The following ZHX3 variants were observed in gnomAD, a reference collection of about 807,000 sequenced individuals.
ZHX3 encodes the protein zinc fingers and homeoboxes protein 3.
Under a neutral mutation model 64.5 loss-of-function variants are expected in ZHX3, and 20 were observed. The observed-to-expected ratio is 0.31, with a 90% CI of 0.22 to 0.45. The LOEUF is 0.45. ZHX3 is among the 20% of genes least tolerant of loss of function. The pLI, the probability that ZHX3 is intolerant of heterozygous loss-of-function variation, is 1.00. For missense variants in ZHX3, 1,041 were observed against 1,195.8 expected, an observed-to-expected ratio of 0.87 and a Z score of 1.91; for synonymous variants, 423 against 461.6, an observed-to-expected ratio of 0.92 and a Z score of 1.07.
chr20:41,265,201 A>T (rs1242507024), intron 2 of ZHX3, among the ~76,000 whole-genome samples: 4 of 142,920 alleles, frequency 2.8e-5, no homozygotes, highest in Non-Finnish European at 6.2e-5. Flanking sequence ...ATTACGATAA[A>T]TTTTTTTTTT....
At position 41,239,003 on chromosome 20, in the gene ZHX3, T is replaced by TC. The variant is rs1203637339; in HGVS notation, c.-151+29986_-151+29987insG. Among the ~76,000 whole-genome samples, 3 of 138,368 alleles carry TC rather than the reference T, an allele frequency of 2.2e-5. No homozygotes were observed. The East Asian group carries it at 6.2e-4, about 29-fold the overall frequency. The allele number at this position is 138,368 out of a possible 152,430, so 90.8% of individuals were successfully genotyped here. On this transcript the variant is annotated intron_variant, in intron 2 of 3. Coordinates refer to ENST00000683867, the MANE Select transcript of ZHX3 (RefSeq NM_001384317.1). ...CCTATTTTCTCTCTCTTTTTTTTTT[T>TC]TTTTTTTTTTTTTTTGGGAGACGGA...
In ZHX3 at chr20:41,244,889, T is replaced by A. The variant is rs2041598619; in HGVS notation, c.-151+24101A>T. Among the ~76,000 whole-genome samples the A allele has an allele frequency of 2.6e-5, 4 of 151,954 alleles. No individual in the cohort carries two copies. The South Asian group carries it at 6.2e-4, about 24-fold the overall frequency. On this transcript the variant is annotated intron_variant, in intron 2 of 3. Transcript: ENST00000683867. ...CCCTCACCTCTCACCCTTGGAAGGG[T>A]TTTGGCCCAGGAAAAGCAAAAGGAG...
chr20:41,238,010 G>A (rs1478354248), intron 2 of ZHX3, among the ~76,000 whole-genome samples: 2 of 152,132 alleles, frequency 1.3e-5, no homozygotes, highest in Non-Finnish European at 2.9e-5. Flanking sequence ...GTTCAGTGCT[G>A]CACCACTCAG....
intron 2 of ZHX3, among the ~76,000 whole-genome samples, chr20:41,237,501 A>T (rs2041088073): frequency 6.6e-6 from 1 of 152,230 alleles, no homozygotes; most frequent in Non-Finnish European, 1.5e-5. Context: ...TTCTCAGCAA[A>T]CTATCGCAAG....
rs1325120234 is a variant in ZHX3 at position 41,224,219 on chromosome 20, T to C, written c.-150-19153A>G. On this transcript the variant is annotated intron_variant, in intron 2 of 3. Transcript: ENST00000683867. This position sits in a 1 kb window ranked among gnomAD's most constrained non-coding sequence, Gnocchi z 5.2. ...TCCCAAATGTGGGAGCTAATTATCA[T>C]TTATGACAATTTATTACAAAGCCCC... Among the ~76,000 whole-genome samples the C allele has an allele frequency of 6.6e-6, 1 of 151,942 alleles. No individual in the cohort carries two copies. Among genetic ancestry groups the C allele is most frequent in the Admixed American group, 6.5e-5 (1 of 15,270 alleles).
Position 41,195,230 on chromosome 20 carries a change from C to A in ZHX3, c.2860+6827G>T, listed in dbSNP as rs2037387878. 6.6e-6 allele frequency among the ~76,000 whole-genome samples: 1 copy of A among 151,884 alleles called. No homozygotes were observed. The highest frequency in any genetic ancestry group is 1.9e-4 in the East Asian group (1 of 5,174). On this transcript the variant is annotated intron_variant, in intron 3 of 3. Transcript: ENST00000683867. The surrounding 1 kb of genome is among the most constrained non-coding windows in gnomAD (Gnocchi z 4.2). Reference sequence around the variant, plus strand: ...AACTCCTGGTAAACAATCCTCCCACCCCAGACACCTGAGTAGCTGGCACTA... The same window carrying A: ...AACTCCTGGTAAACAATCCTCCCACACCAGACACCTGAGTAGCTGGCACTA...
chr20:41,227,949 C>T (rs190316890), intron 2 of ZHX3, among the ~76,000 whole-genome samples: 1 of 152,314 alleles, frequency 6.6e-6, no homozygotes, highest in Admixed American at 6.5e-5. Flanking sequence ...CAGACTGCCT[C>T]TGTCCCACTT....
intron 2 of ZHX3, among the ~76,000 whole-genome samples, chr20:41,205,467 C>CT (rs1352938507): frequency 6.8e-6 from 1 of 147,006 alleles, no homozygotes; most frequent in East Asian, 2.0e-4. Context: ...ACGCGGTTTT[C>CT]TTTTCATAGC....
At chr20:41,231,456 G>C (rs552959930) in intron 2 of ZHX3, among the ~76,000 whole-genome samples, 1 of 152,246 alleles carries the variant, frequency 6.6e-6, no homozygotes, top group East Asian at 1.9e-4. Context: ...TCCCTCACCT[G>C]AAGACTAATT....
chr20:41,203,822 A>T lies in ZHX3; in HGVS notation c.1095T>A (p.Pro365=), dbSNP rs781060319. The part of the protein sequence containing the change: ...QRLKQGISWS[P]EEIEDARKKM... ...TTTTCCGGGCATCCTCAATCTCCTC[A>T]GGGGACCAGCTGATCCCCTGCTTCA... The change falls in exon 3 of 4, where the codon CCT becomes CCA. Residue 365 remains proline, a synonymous_variant. Transcript: ENST00000683867. The surrounding 1 kb of genome is among the most constrained non-coding windows in gnomAD (Gnocchi z 7.1). The T allele has an allele frequency of 1.9e-6, 3 of 1,614,130 alleles. No individual in the cohort carries two copies. The highest frequency in any genetic ancestry group is 1.7e-5 in the Admixed American group (1 of 60,018).
At chr20:41,310,580 G>A (rs1463308669) in intron 1 of ZHX3, among the ~76,000 whole-genome samples, 3 of 151,906 alleles carry the variant, frequency 2.0e-5, no homozygotes, top group Non-Finnish European at 4.4e-5. Flanking sequence ...ACAGTATGCT[G>A]GTGAATATCT....
At chr20:41,194,750 G>T (rs1156957413) in intron 3 of ZHX3, among the ~76,000 whole-genome samples, 4 of 151,974 alleles carry the variant, frequency 2.6e-5, no homozygotes, top group African/African-American at 9.7e-5. Flanking sequence ...ATATATTTTG[G>T]TTTTTTATTT....
intron 2 of ZHX3, among the ~76,000 whole-genome samples, chr20:41,265,360 G>A (rs990145366): frequency 2.0e-5 from 3 of 151,880 alleles, no homozygotes; most frequent in Non-Finnish European, 2.9e-5. Context: ...CCACCACCAC[G>A]CCCAGCTAAT....
rs1421099188 is a variant in ZHX3, at chr20:41,212,366, A to G, written c.-150-7300T>C. On this transcript the variant is annotated intron_variant, in intron 2 of 3. Coordinates refer to ENST00000683867, the MANE Select transcript of ZHX3 (RefSeq NM_001384317.1). The surrounding 1 kb of genome is among the most constrained non-coding windows in gnomAD (Gnocchi z 4.3). Reference sequence around the variant, plus strand: ...CACACCCACCAAGATGGCTGTAATTACAGCGACAGATAACAAGTATAGATG... The same window carrying G: ...CACACCCACCAAGATGGCTGTAATTGCAGCGACAGATAACAAGTATAGATG... 6.6e-6 allele frequency among the ~76,000 whole-genome samples: 1 copy of G among 152,230 alleles called. No individual in the cohort carries two copies. Among genetic ancestry groups the G allele is most frequent in the Non-Finnish European group, 1.5e-5 (1 of 68,044 alleles).
At position 41,184,860 on chromosome 20, in the gene ZHX3, A is replaced by C. The variant is rs2036384562; in HGVS notation, c.*331T>G. 1.4e-6 allele frequency: 2 copies of C among 1,473,308 alleles called. No individual in the cohort carries two copies. Among genetic ancestry groups the C allele is most frequent in the South Asian group, 2.7e-5 (2 of 74,600 alleles). 91.3% of individuals were successfully genotyped at this position (1,473,308 alleles called of 1,614,324 possible). A position where few individuals can be genotyped will look rare whatever the true frequency, so the allele number is the denominator to read the frequency against. ...ATCTGATGTTTTATTTAACATATAG[A>C]GGTGGATGTATATGTTAAAAGCTTG... On this transcript the variant is annotated 3_prime_UTR_variant, in exon 4 of 4. Transcript: ENST00000683867.
At chr20:41,218,612 G>A (rs993765615) in intron 2 of ZHX3, among the ~76,000 whole-genome samples, 2 of 152,184 alleles carry the variant, frequency 1.3e-5, no homozygotes, top group African/African-American at 4.8e-5. Flanking sequence ...ACCACGGTAA[G>A]TCAGTAGGAC....
rs1368055728 is a variant in ZHX3 at position 41,317,670 on chromosome 20, A to C, written c.-406T>G. 2 of 150,608 alleles carry C rather than the reference A, an allele frequency of 1.3e-5. No homozygotes were observed. The highest frequency in any genetic ancestry group is 4.9e-5 in the African/African-American group (2 of 40,988). The allele number at this position is 150,608 out of a possible 1,614,324, so 9.3% of individuals were successfully genotyped here. On this transcript the variant is annotated 5_prime_UTR_variant, in exon 1 of 4. Coordinates refer to ENST00000683867, the MANE Select transcript of ZHX3 (RefSeq NM_001384317.1). ...TGCTGAGCGGCGGGGACGCAGCTGCACCAACCGACTCCGGGCCGCTCGGCT... is the reference window on the plus strand; with the variant it reads ...TGCTGAGCGGCGGGGACGCAGCTGCCCCAACCGACTCCGGGCCGCTCGGCT...
At chr20:41,296,688 A>G (rs2044547397) in intron 1 of ZHX3, among the ~76,000 whole-genome samples, 1 of 152,226 alleles carries the variant, frequency 6.6e-6, no homozygotes, top group African/African-American at 2.4e-5. Context: ...GCTAATCATT[A>G]TGAATCACAT....
chr20:41,309,336 G>C (rs2045064779), intron 1 of ZHX3, among the ~76,000 whole-genome samples: 1 of 152,170 alleles, frequency 6.6e-6, no homozygotes, highest in Admixed American at 6.5e-5. Context: ...CACTACAGCT[G>C]CATTTCCCAA....
Sources: allele counts gnomAD v4.1 joint callset (sites outside exome capture counted in the v4.1 genomes callset), GRCh38; gene constraint gnomAD v4.1.1; non-coding constraint Gnocchi (gnomAD v3.1); transcripts MANE v1.5; gene names NCBI Gene and HGNC (gene_info 2026-07-23, HGNC 2026-07-21).